The following TRPC4 variants were observed in gnomAD, a reference collection of about 807,000 sequenced individuals.
TRPC4 encodes transient receptor potential cation channel subfamily C member 4, also known as short transient receptor potential channel 4.
A neutral mutation model predicts 99.4 loss-of-function variants in TRPC4; 49 were observed. That is an observed-to-expected ratio of 0.49 (90% CI 0.39 to 0.63). The LOEUF (loss-of-function observed/expected upper bound fraction) is 0.63. Among genes scored for constraint, TRPC4 ranks in the 20% least tolerant of loss-of-function variants. The pLI, the probability that TRPC4 is intolerant of heterozygous loss-of-function variation, is 0.00. For synonymous variants in TRPC4, 454 were observed against 425.9 expected, an observed-to-expected ratio of 1.07 and a Z score of -0.81; for missense variants, 898 against 1,152.9, an observed-to-expected ratio of 0.78 and a Z score of 3.20.
chr13:37,653,248 G>A (rs1952108491), intron 7 of TRPC4, among the ~76,000 whole-genome samples: 1 of 152,028 alleles, frequency 6.6e-6, no homozygotes, highest in South Asian at 2.1e-4. Flanking sequence ...CATATAGTAG[G>A]TGCACAATAA....
At chr13:37,658,849 G>C (rs1952332583) in intron 6 of TRPC4, among the ~76,000 whole-genome samples, 1 of 152,092 alleles carries the variant, frequency 6.6e-6, no homozygotes, top group African/African-American at 2.4e-5. Flanking sequence ...ATGCATAGAA[G>C]ACATGGATCA....
At chr13:37,781,535 T>C (rs1956841207) in intron 2 of TRPC4, among the ~76,000 whole-genome samples, 1 of 152,066 alleles carries the variant, frequency 6.6e-6, no homozygotes, top group Non-Finnish European at 1.5e-5. Flanking sequence ...GTATATAACA[T>C]GAAATGTGTC....
chr13:37,856,827 A>G (rs1959178330), intron 1 of TRPC4, among the ~76,000 whole-genome samples: 1 of 151,694 alleles, frequency 6.6e-6, no homozygotes. Flanking sequence ...CTGAAAAAGT[A>G]TTTAATAAAA....
intron 1 of TRPC4, among the ~76,000 whole-genome samples, chr13:37,817,128 GTCTC>G (rs1957878568): frequency 6.6e-6 from 1 of 151,966 alleles, no homozygotes; most frequent in Non-Finnish European, 1.5e-5. Context: ...AAACTCCATA[GTCTC>G]AGCACAAAAG....
At chr13:37,839,585 C>A (rs527350134) in intron 1 of TRPC4, among the ~76,000 whole-genome samples, 4 of 152,046 alleles carry the variant, frequency 2.6e-5, no homozygotes, top group Non-Finnish European at 5.9e-5. Flanking sequence ...TCATTATGTA[C>A]CAAGCATTGT....
At chr13:37,834,971 G>A (rs1383674561) in intron 1 of TRPC4, among the ~76,000 whole-genome samples, 1 of 151,924 alleles carries the variant, frequency 6.6e-6, no homozygotes, top group African/African-American at 2.4e-5. Flanking sequence ...CTGGCCTCAA[G>A]TGATCTGCCT....
rs116611145 is a variant in TRPC4 at position 37,747,268 on chromosome 13, C to G, written c.379-813G>C. Among the ~76,000 whole-genome samples, 818 of 152,190 alleles carry G rather than the reference C, an allele frequency of 5.4e-3. 8 individuals are homozygous for G. Among genetic ancestry groups the G allele is most frequent in the African/African-American group, 0.018 (768 of 41,542 alleles). The stretch of plus-strand genomic sequence containing the variant: ...ACATTAACCCTCACCCTTTATTATT[C>G]ACATTTTATGGATGTAGTTCCTCAG... On this transcript the variant is annotated intron_variant, in intron 2 of 10. Transcript: ENST00000379705.
chr13:37,655,524 G>C (rs1391781723), intron 6 of TRPC4, among the ~76,000 whole-genome samples: 3 of 151,918 alleles, frequency 2.0e-5, no homozygotes, highest in Non-Finnish European at 4.4e-5. Flanking sequence ...AGCTTTGAAA[G>C]CTAAATTTAG....
At chr13:37,671,051 A>G (rs1182776674) in intron 5 of TRPC4, among the ~76,000 whole-genome samples, 1 of 152,088 alleles carries the variant, frequency 6.6e-6, no homozygotes, top group Non-Finnish European at 1.5e-5. Flanking sequence ...ACCGTGACCC[A>G]CTTGAAGGCA....
chr13:37,813,034 C>T (rs560899696), intron 1 of TRPC4, among the ~76,000 whole-genome samples: 13 of 151,540 alleles, frequency 8.6e-5, no homozygotes, highest in African/African-American at 2.7e-4. Flanking sequence ...TTATACCCAC[C>T]CAAAATATCT....
At chr13:37,760,237 G>A (rs767543237) in intron 2 of TRPC4, among the ~76,000 whole-genome samples, 1 of 151,810 alleles carries the variant, frequency 6.6e-6, no homozygotes, top group Non-Finnish European at 1.5e-5. Context: ...AAAATCTACT[G>A]TGCACTACAC....
At chr13:37,703,319 T>G (rs1954161708) in intron 3 of TRPC4, among the ~76,000 whole-genome samples, 1 of 152,110 alleles carries the variant, frequency 6.6e-6, no homozygotes, top group Admixed American at 6.6e-5. Context: ...CCATCTATGT[T>G]TATTGTGTTG....
rs111427516 is a variant in TRPC4 at position 37,775,350 on chromosome 13, G to A, written c.378+7606C>T. On this transcript the variant is annotated intron_variant, in intron 2 of 10. Coordinates refer to ENST00000379705, the MANE Select transcript of TRPC4 (RefSeq NM_016179.4). ...GCATAGAACCTGGTGACTGGCAGCC[G>A]TAATCCCCTTCTTTTTCTTTTGTTT... Among the ~76,000 whole-genome samples, 829 of 151,298 alleles carry A rather than the reference G, an allele frequency of 5.5e-3. 6 individuals are homozygous for A. The highest frequency in any genetic ancestry group is 0.019 in the African/African-American group (775 of 41,332).
chr13:37,744,129 T>C (rs912277119), intron 3 of TRPC4, among the ~76,000 whole-genome samples: 1 of 152,162 alleles, frequency 6.6e-6, no homozygotes, highest in Non-Finnish European at 1.5e-5. Context: ...AGAAAATCTT[T>C]GCAATCATCG....
At chr13:37,829,415 A>C (rs1015666867) in intron 1 of TRPC4, among the ~76,000 whole-genome samples, 1 of 152,226 alleles carries the variant, frequency 6.6e-6, no homozygotes, top group Non-Finnish European at 1.5e-5. Context: ...ATGAGATACC[A>C]CTTTGCACCC....
intron 3 of TRPC4, among the ~76,000 whole-genome samples, chr13:37,712,115 G>A (rs1236073037): frequency 2.6e-5 from 4 of 152,032 alleles, no homozygotes; most frequent in African/African-American, 7.2e-5. Flanking sequence ...TGTTGTTAAA[G>A]TCATAGATGA....
At chr13:37,691,940 C>A in intron 4 of TRPC4, 59 bp downstream of exon 4, 1 of 1,488,680 alleles carries the variant, frequency 6.7e-7, no homozygotes, top group Non-Finnish European at 9.1e-7. Context: ...ATTTTCTGAG[C>A]AACGAAATTC....
At chr13:37,684,897 C>T (rs1953410476) in intron 4 of TRPC4, among the ~76,000 whole-genome samples, 2 of 150,222 alleles carry the variant, frequency 1.3e-5, no homozygotes, top group Admixed American at 6.7e-5. Flanking sequence ...AACATAGCAA[C>T]TAATACATGG....
At chr13:37,647,858 A>G (rs1951898210) in intron 8 of TRPC4, among the ~76,000 whole-genome samples, 1 of 152,220 alleles carries the variant, frequency 6.6e-6, no homozygotes. Context: ...AGAAAAATTA[A>G]TTACTTTTGA....
Sources: allele counts gnomAD v4.1 joint callset (sites outside exome capture counted in the v4.1 genomes callset), GRCh38; gene constraint gnomAD v4.1.1; transcripts MANE v1.5; gene names NCBI Gene and HGNC (gene_info 2026-07-23, HGNC 2026-07-21).